The following HSD17B4 variants were observed in gnomAD, a reference collection of about 807,000 sequenced individuals.
HSD17B4 encodes peroxisomal multifunctional enzyme type 2.
A neutral mutation model predicts 101.0 loss-of-function variants in HSD17B4; 70 were observed. That is an observed-to-expected ratio of 0.69 (90% CI 0.57 to 0.85). The LOEUF (loss-of-function observed/expected upper bound fraction) is 0.85, where lower values mean the gene tolerates loss of function less well. Ranked by LOEUF, HSD17B4 falls within the 40% of genes least tolerant of loss-of-function variation. HSD17B4 has a pLI of 0.00. For synonymous variants in HSD17B4, 347 were observed against 297.1 expected (o/e 1.17, Z -1.73); for missense variants, 984 against 892.4 (o/e 1.10, Z -1.31).
At chr5:119,482,394 A>T (rs529657011) in intron 8 of HSD17B4, among the ~76,000 whole-genome samples, 1 of 152,166 alleles carries the variant, frequency 6.6e-6, no homozygotes, top group Non-Finnish European at 1.5e-5. Context: ...TAAGCACAGT[A>T]ATCATAGTTA....
At chr5:119,533,445 G>A (rs1355672881) in intron 22 of HSD17B4, among the ~76,000 whole-genome samples, 1 of 152,046 alleles carries the variant, frequency 6.6e-6, no homozygotes, top group Non-Finnish European at 1.5e-5. Context: ...GAGGGCCTAT[G>A]TGGAACTATT....
At chr5:119,488,422 A>G (rs1749801210) in intron 8 of HSD17B4, among the ~76,000 whole-genome samples, 1 of 152,192 alleles carries the variant, frequency 6.6e-6, no homozygotes, top group African/African-American at 2.4e-5. Context: ...ATTTGATAGT[A>G]CAATAGAGAA....
intron 16 of HSD17B4, among the ~76,000 whole-genome samples, chr5:119,511,800 A>G (rs1249994978): frequency 6.6e-6 from 1 of 152,250 alleles, no homozygotes; most frequent in African/African-American, 2.4e-5. Context: ...ATTAGTGTCT[A>G]GAGTTGTTAT....
At position 119,533,289 on chromosome 5, in the gene HSD17B4, C is replaced by CTTTT. The variant is rs34132585; in HGVS notation, c.1993+1895_1993+1898dup. On this transcript the variant is annotated intron_variant, in intron 22 of 23. Transcript: ENST00000510025. Reference sequence around the variant, plus strand: ...CTACAAATATGCATTGACAGGATGCCTTTTTTTTTTTTTAAATCCATAGGG... The same window carrying CTTTT: ...CTACAAATATGCATTGACAGGATGCCTTTTTTTTTTTTTTTTTAAATCCATAGGG... Among the ~76,000 whole-genome samples the CTTTT allele has an allele frequency of 1.4e-4, 21 of 147,730 alleles. No individual in the cohort carries two copies. In the South Asian group the frequency reaches 3.8e-3, roughly 27 times the overall value.
chr5:119,464,404 A>G (rs532216285), intron 2 of HSD17B4, among the ~76,000 whole-genome samples: 5 of 152,190 alleles, frequency 3.3e-5, no homozygotes, highest in Non-Finnish European at 5.9e-5. Flanking sequence ...TCTTTTGCAT[A>G]TGGATATCCA....
At chr5:119,519,353 A>G (rs941753751) in intron 17 of HSD17B4, among the ~76,000 whole-genome samples, 2 of 152,252 alleles carry the variant, frequency 1.3e-5, no homozygotes, top group South Asian at 2.1e-4. Flanking sequence ...CCTATTAAGT[A>G]AAGTTAATAT....
At chr5:119,473,857 T>G in intron 2 of HSD17B4, 51 bp from the exon 3 acceptor site, 1 of 1,077,716 alleles carries the variant, frequency 9.3e-7, no homozygotes, top group Non-Finnish European at 1.4e-6. Flanking sequence ...CACACACACA[T>G]TTTGAAAGTC....
intron 14 of HSD17B4, among the ~76,000 whole-genome samples, chr5:119,503,644 TGGCTATAGTGGTAGTGTCATA>T (rs1156971194): frequency 6.6e-6 from 1 of 152,046 alleles, no homozygotes; most frequent in Admixed American, 6.6e-5. Flanking sequence ...GCTCATTTGT[TGGCTATAGTGGTAGTGTCATA>T]GGCTGACTTA....
Position 119,542,047 on chromosome 5 carries a change from C to A in HSD17B4, c.*53C>A. The A allele has an allele frequency of 8.5e-7, 1 of 1,178,712 alleles. No homozygotes were observed. The highest frequency in any genetic ancestry group is 1.2e-5 in the South Asian group (1 of 80,608). The allele number at this position is 1,178,712 out of a possible 1,614,324, so 73.0% of individuals were successfully genotyped here. A position where few individuals can be genotyped will look rare whatever the true frequency, so the allele number is the denominator to read the frequency against. Reference sequence around the variant, plus strand: ...GGAATCATTAAATACTCTCTTCACCCAAATATGCTTGATTATTCTGCAAAA... The same window carrying A: ...GGAATCATTAAATACTCTCTTCACCAAAATATGCTTGATTATTCTGCAAAA... On this transcript the variant is annotated 3_prime_UTR_variant, in exon 24 of 24. Coordinates refer to ENST00000510025, the MANE Select transcript of HSD17B4 (RefSeq NM_000414.4).
Position 119,475,708 on chromosome 5 carries a change from G to T in HSD17B4, c.283G>T (p.Val95Phe). The change falls in exon 5 of 24, where the codon GTT (valine) becomes TTT (phenylalanine). Residue 95 changes from valine to phenylalanine, a missense_variant and splice_region_variant. Val to Phe is a conservative substitution (Grantham distance 50). Coordinates refer to ENST00000510025, the MANE Select transcript of HSD17B4 (RefSeq NM_000414.4). ...ACTTGTATCTTTTTATATTGTAGAT[G>T]TTGTGGTCAACAATGCTGGGTGAGT... is the stretch of plus-strand genomic sequence containing the variant. ...TALDAFGRID[V>F]VVNNAGILRD... 6.3e-7 allele frequency: 1 copy of T among 1,595,342 alleles called. No homozygotes were observed. Among genetic ancestry groups the T allele is most frequent in the Non-Finnish European group, 8.6e-7 (1 of 1,164,868 alleles).
intron 17 of HSD17B4, among the ~76,000 whole-genome samples, 185 bp downstream of exon 17, chr5:119,515,231 A>AT (rs1184046631): frequency 1.3e-5 from 2 of 152,210 alleles, no homozygotes; most frequent in Admixed American, 1.3e-4. Flanking sequence ...TTAGTTATTA[A>AT]TGTTTTCCCA....
intron 7 of HSD17B4, chr5:119,477,901 G>A (rs1363166842): frequency 1.1e-5 from 2 of 186,600 alleles, no homozygotes; most frequent in South Asian, 1.1e-4. Flanking sequence ...GCAGGTATGT[G>A]TCACCATGCC....
At chr5:119,462,949 T>C (rs912000078) in intron 2 of HSD17B4, among the ~76,000 whole-genome samples, 14 of 152,336 alleles carry the variant, frequency 9.2e-5, no homozygotes, top group South Asian at 4.1e-4. Context: ...CTAGAACTTA[T>C]TCCTTCTATT....
In HSD17B4 at chr5:119,487,406, T is replaced by C. The variant is rs553474699; in HGVS notation, c.623-1786T>C. 2.6e-5 allele frequency: 4 copies of C among 152,122 alleles called. No homozygotes were observed. In the East Asian group the frequency reaches 7.7e-4, roughly 29 times the overall value. The allele number at this position is 152,122 out of a possible 1,614,324, so 9.4% of individuals were successfully genotyped here. Reference sequence around the variant, plus strand: ...TGGAAGAAACACTGGGTTGAGTAAGTAAACCTTTCTATTTTTGATTTCATA... The same window carrying C: ...TGGAAGAAACACTGGGTTGAGTAAGCAAACCTTTCTATTTTTGATTTCATA... On this transcript the variant is annotated intron_variant, in intron 8 of 23. Coordinates refer to ENST00000510025, the MANE Select transcript of HSD17B4 (RefSeq NM_000414.4).
intron 20 of HSD17B4, among the ~76,000 whole-genome samples, chr5:119,528,223 G>A (rs1753771369): frequency 6.6e-6 from 1 of 152,112 alleles, no homozygotes; most frequent in Non-Finnish European, 1.5e-5. Flanking sequence ...AAGTGGTTGA[G>A]CTGGGATAGA....
intron 16 of HSD17B4, chr5:119,509,620 T>C: frequency 2.9e-6 from 1 of 345,328 alleles, no homozygotes; most frequent in Non-Finnish European, 5.6e-6. Flanking sequence ...TATGTGTATG[T>C]CAAGTCTTTT....
chr5:119,452,792 A>G (rs1243356358), intron 1 of HSD17B4, 159 bp downstream of exon 1: 3 of 1,544,106 alleles, frequency 1.9e-6, no homozygotes, highest in East Asian at 2.4e-5. Context: ...TGAGGAGGAA[A>G]GAGCCGGAAA....
At chr5:119,457,887 T>G (rs1046312103) in intron 2 of HSD17B4, among the ~76,000 whole-genome samples, 7 of 152,194 alleles carry the variant, frequency 4.6e-5, no homozygotes, top group Non-Finnish European at 1.0e-4. Context: ...TGAGATTGGT[T>G]GAATACATTT....
intron 9 of HSD17B4, among the ~76,000 whole-genome samples, chr5:119,490,150 G>A (rs1749972016): frequency 1.3e-5 from 2 of 152,044 alleles, no homozygotes; most frequent in East Asian, 3.9e-4. Context: ...AAGCTGATGG[G>A]TAAGTTAAGA....
Sources: gnomAD v4.1 joint callset for allele counts (sites outside exome capture counted in the v4.1 genomes callset) on GRCh38, gnomAD v4.1.1 for gene constraint, MANE v1.5 for transcripts, NCBI Gene and HGNC (gene_info 2026-07-23, HGNC 2026-07-21) for gene names.